PPP1R9A: variants seen among roughly 807,000 people sequenced by gnomAD.
PPP1R9A encodes neurabin-1.
In PPP1R9A, 59 loss-of-function variants were observed where a neutral mutation model predicts 141.9. The ratio of observed to expected loss-of-function variants is 0.42; its 90% CI spans 0.34 to 0.52. PPP1R9A has a LOEUF of 0.52. PPP1R9A is among the 20% of genes least tolerant of loss of function. PPP1R9A has a pLI of 0.10. For synonymous variants in PPP1R9A, 500 were observed against 569.7 expected, an observed-to-expected ratio of 0.88 and a Z score of 1.74; for missense variants, 1,444 against 1,611.9, an observed-to-expected ratio of 0.90 and a Z score of 1.78.
intron 2 of PPP1R9A, among the ~76,000 whole-genome samples, chr7:94,975,503 T>G (rs541141619): frequency 6.6e-6 from 1 of 152,176 alleles, no homozygotes; most frequent in East Asian, 1.9e-4. Flanking sequence ...TTGAATCCCT[T>G]GAAATATAAC....
At chr7:95,046,418 A>G (rs1315930740) in intron 2 of PPP1R9A, among the ~76,000 whole-genome samples, 1 of 152,144 alleles carries the variant, frequency 6.6e-6, no homozygotes, top group Non-Finnish European at 1.5e-5. Context: ...TTTCTATTAA[A>G]TGTTTCAGAT....
At chr7:94,930,723 T>C (rs915093445) in intron 2 of PPP1R9A, among the ~76,000 whole-genome samples, 1 of 152,128 alleles carries the variant, frequency 6.6e-6, no homozygotes, top group African/African-American at 2.4e-5. Flanking sequence ...GGATTGAGAC[T>C]GGGGAAAGAG....
chr7:95,284,524 T>C (rs998180733), intron 17 of PPP1R9A, among the ~76,000 whole-genome samples, 194 bp downstream of exon 17: 5 of 152,228 alleles, frequency 3.3e-5, no homozygotes, highest in African/African-American at 1.2e-4. Context: ...ATTTGAATCA[T>C]AGAACAGAAT....
chr7:94,989,127 C>G (rs1374033268), intron 2 of PPP1R9A, among the ~76,000 whole-genome samples: 1 of 151,884 alleles, frequency 6.6e-6, no homozygotes, highest in Non-Finnish European at 1.5e-5. Flanking sequence ...ATGTGCATTT[C>G]TAACAAGTTT....
intron 2 of PPP1R9A, among the ~76,000 whole-genome samples, chr7:94,920,083 T>C (rs925966461): frequency 6.6e-6 from 1 of 152,194 alleles, no homozygotes; most frequent in African/African-American, 2.4e-5. Flanking sequence ...GAAAAATTTA[T>C]GTTAAATTGT....
At chr7:95,139,480 G>A (rs959103323) in intron 4 of PPP1R9A, among the ~76,000 whole-genome samples, 1 of 152,074 alleles carries the variant, frequency 6.6e-6, no homozygotes, top group African/African-American at 2.4e-5. Flanking sequence ...TCTATTTTGT[G>A]CTTTTGCCTC....
intron 2 of PPP1R9A, among the ~76,000 whole-genome samples, chr7:94,986,506 C>G (rs547022523): frequency 1.3e-5 from 2 of 152,044 alleles, no homozygotes; most frequent in East Asian, 1.9e-4. Flanking sequence ...TTAACAGATA[C>G]AAAATTATAG....
chr7:95,025,153 G>A (rs948891128), intron 2 of PPP1R9A, among the ~76,000 whole-genome samples: 1 of 151,784 alleles, frequency 6.6e-6, no homozygotes, highest in African/African-American at 2.4e-5. Context: ...TGCAACCTCT[G>A]CCTCCTGGGT....
chr7:95,168,008 A>G (rs1350615521), intron 5 of PPP1R9A, among the ~76,000 whole-genome samples: 1 of 152,178 alleles, frequency 6.6e-6, no homozygotes, highest in Non-Finnish European at 1.5e-5. Flanking sequence ...CCCTGTCTAA[A>G]TATCAATGTC....
intron 2 of PPP1R9A, among the ~76,000 whole-genome samples, chr7:95,010,253 A>AAT (rs1563115514): frequency 3.9e-5 from 6 of 152,034 alleles, no homozygotes; most frequent in East Asian, 3.9e-4. Flanking sequence ...ATAATAATAA[A>AAT]AATAGCTGGG....
chr7:94,949,201 T>G (rs1005832221), intron 2 of PPP1R9A, among the ~76,000 whole-genome samples: 2 of 152,118 alleles, frequency 1.3e-5, no homozygotes, highest in African/African-American at 4.8e-5. Context: ...TTGGCTGGGC[T>G]TACATGGAGG....
chr7:95,190,786 T>C (rs1212228410), intron 5 of PPP1R9A, among the ~76,000 whole-genome samples: 2 of 152,214 alleles, frequency 1.3e-5, no homozygotes, highest in Non-Finnish European at 1.5e-5. Context: ...CTGTGGTGGT[T>C]CCTGGATTAA....
chr7:95,275,461 G>A (rs1045983821), intron 16 of PPP1R9A, among the ~76,000 whole-genome samples: 4 of 150,762 alleles, frequency 2.7e-5, no homozygotes, highest in African/African-American at 9.7e-5. Context: ...CTTTATTGAT[G>A]AAGAACTTTA....
At chr7:94,981,243 A>T (rs909322738) in intron 2 of PPP1R9A, among the ~76,000 whole-genome samples, 1 of 151,540 alleles carries the variant, frequency 6.6e-6, no homozygotes, top group Non-Finnish European at 1.5e-5. Context: ...TTATTTATTT[A>T]TTTTTTTTGA....
intron 2 of PPP1R9A, among the ~76,000 whole-genome samples, chr7:95,005,871 C>T (rs1016862877): frequency 1.3e-5 from 2 of 151,816 alleles, no homozygotes; most frequent in African/African-American, 4.8e-5. Context: ...TTAGCCTTTC[C>T]CTTGTTACCA....
At chr7:95,136,405 A>G (rs1389924277) in intron 4 of PPP1R9A, among the ~76,000 whole-genome samples, 1 of 152,240 alleles carries the variant, frequency 6.6e-6, no homozygotes, top group Admixed American at 6.5e-5. Context: ...AGCCTTGGCA[A>G]CATATCAAGA....
At chr7:94,948,779 G>A (rs1348384414) in intron 2 of PPP1R9A, among the ~76,000 whole-genome samples, 5 of 152,044 alleles carry the variant, frequency 3.3e-5, no homozygotes, top group Admixed American at 3.3e-4. Flanking sequence ...CTTGAAACTT[G>A]GGACTCCATG....
chr7:95,229,666 G>A (rs1037793595), intron 8 of PPP1R9A, among the ~76,000 whole-genome samples: 2 of 152,022 alleles, frequency 1.3e-5, no homozygotes, highest in African/African-American at 2.4e-5. Context: ...CCCCCAACCT[G>A]GTGGTCTTAC....
Position 95,226,036 on chromosome 7 carries a change from G to A in PPP1R9A, c.2032G>A (p.Val678Ile), listed in dbSNP as rs779881522. Residue 678 changes from valine to isoleucine, a missense_variant, in exon 8 of 20, where the codon GTC becomes ATC. Around this residue, in one of 5 missense-constraint regions of PPP1R9A, gnomAD observed 488 missense variants for 542.0 expected, o/e 0.90. Transcript: ENST00000433360. ...VLPGSDMAIE[V>I]FELPENEDMF... ...TCCTGGCAGCGACATGGCCATTGAAGTCTTTGAGCTGCCTGAGAATGAGGA... is the reference window on the plus strand; with the variant it reads ...TCCTGGCAGCGACATGGCCATTGAAATCTTTGAGCTGCCTGAGAATGAGGA... The A allele has an allele frequency of 9.3e-6, 15 of 1,613,684 alleles. No homozygotes were observed. In the East Asian group the frequency reaches 1.6e-4, roughly 17 times the overall value.
Sources: allele counts gnomAD v4.1 joint callset (sites outside exome capture counted in the v4.1 genomes callset), GRCh38; gene constraint gnomAD v4.1.1; regional missense constraint gnomAD v4.1.1; transcripts MANE v1.5; gene names NCBI Gene and HGNC (gene_info 2026-07-23, HGNC 2026-07-21).